The following LRRC47 variants were observed in gnomAD, a reference collection of about 807,000 sequenced individuals.
LRRC47 encodes leucine rich repeat containing 47, also known as leucine-rich repeat-containing protein 47.
Under a neutral mutation model 40.9 loss-of-function variants are expected in LRRC47, and 31 were observed. The observed-to-expected ratio is 0.76, with a 90% CI of 0.57 to 1.02. LRRC47 has a LOEUF of 1.02. Ranked by LOEUF, LRRC47 falls within the 50% of genes least tolerant of loss-of-function variation. The pLI is 0.00. For synonymous variants in LRRC47, 427 were observed against 371.9 expected (o/e 1.15, Z -1.70); for missense variants, 726 against 796.1 (o/e 0.91, Z 1.06).
intron 1 of LRRC47, among the ~76,000 whole-genome samples, chr1:3,787,546 G>T (rs1643588226): frequency 6.6e-6 from 1 of 152,200 alleles, no homozygotes; most frequent in South Asian, 2.1e-4. Context: ...GTCAGCCACG[G>T]TTAACAGTGA....
intron 1 of LRRC47, among the ~76,000 whole-genome samples, chr1:3,794,472 G>A (rs565929507): frequency 3.3e-5 from 5 of 151,688 alleles, no homozygotes; most frequent in African/African-American, 1.2e-4. Context: ...TCAGCCTCCC[G>A]AGTAGCTGGG....
chr1:3,791,581 C>A (rs1005293111), intron 1 of LRRC47, among the ~76,000 whole-genome samples: 2 of 152,178 alleles, frequency 1.3e-5, no homozygotes, highest in African/African-American at 2.4e-5. Flanking sequence ...CTCAGCTTCC[C>A]GAGTAGCTGG....
chr1:3,793,090 A>G (rs1335080622), intron 1 of LRRC47, among the ~76,000 whole-genome samples: 3 of 151,676 alleles, frequency 2.0e-5, no homozygotes, highest in Non-Finnish European at 4.4e-5. Context: ...GATCTAACCA[A>G]TCCCCATCTT....
intron 1 of LRRC47, among the ~76,000 whole-genome samples, chr1:3,788,777 C>A (rs1347001168): frequency 6.6e-6 from 1 of 151,966 alleles, no homozygotes; most frequent in Admixed American, 6.6e-5. Context: ...AACAGAGACC[C>A]AGGGAGGAAG....
rs770281905 is a variant in LRRC47 at position 3,796,498 on chromosome 1, C to A, written c.-22G>T. On this transcript the variant is annotated 5_prime_UTR_variant, in exon 1 of 7. Transcript: ENST00000378251. ...CCATGGCGCCTCAGCTGCTGGCAGG[C>A]ACCCACCCACCAGGGTGCTTCCGGG... 3.3e-5 allele frequency: 49 copies of A among 1,489,768 alleles called. 1 individual carries two copies. The South Asian group carries it at 4.1e-4, about 12-fold the overall frequency. 92.3% of individuals were successfully genotyped at this position (1,489,768 alleles called of 1,614,324 possible).
chr1:3,791,955 T>C (rs545448980), intron 1 of LRRC47, among the ~76,000 whole-genome samples: 17 of 152,114 alleles, frequency 1.1e-4, no homozygotes, highest in Non-Finnish European at 1.9e-4. Context: ...GTTTTCACCA[T>C]GTTGCCCAGG....
Position 3,786,859 on chromosome 1 carries a change from A to C in LRRC47, c.1067T>G (p.Leu356Arg). Residue 356 changes from leucine to arginine, a missense_variant, in exon 2 of 7, where the codon CTC becomes CGC. Leu to Arg is a moderately radical substitution (Grantham distance 102). Coordinates refer to ENST00000378251, the MANE Select transcript of LRRC47 (RefSeq NM_020710.3). ...LQPGNALKRF[L>R]TSQTKLHEDL... The stretch of plus-strand genomic sequence containing the variant: ...CCCACGGGCACCCACCTGCGAGGTG[A>C]GGAAGCGCTTGAGTGCATTCCCTGG... 1 of 1,592,398 alleles carries C rather than the reference A, an allele frequency of 6.3e-7. No individual in the cohort carries two copies. The highest frequency in any genetic ancestry group is 8.6e-7 in the Non-Finnish European group (1 of 1,168,042).
intron 1 of LRRC47, among the ~76,000 whole-genome samples, chr1:3,791,165 G>A (rs77030949): frequency 0.022 from 3,297 of 151,026 alleles, 76 homozygotes; most frequent in East Asian, 0.11. Flanking sequence ...GCACAGCCAC[G>A]CGAGCGACCA....
At chr1:3,786,748 C>G in intron 2 of LRRC47, 101 bp downstream of exon 2, 7 of 1,146,700 alleles carry the variant, frequency 6.1e-6, no homozygotes, top group Non-Finnish European at 6.1e-6. Flanking sequence ...GCCCCATACT[C>G]CACTGCTGCT....
intron 1 of LRRC47, among the ~76,000 whole-genome samples, chr1:3,790,944 C>T (rs1557643725): frequency 1.3e-5 from 2 of 152,212 alleles, no homozygotes; most frequent in South Asian, 2.1e-4. Context: ...CCCAAAGAAC[C>T]GGAACTGGGC....
Position 3,787,003 on chromosome 1 carries a change from A to G in LRRC47, c.923T>C (p.Leu308Pro). 6.2e-7 allele frequency: 1 copy of G among 1,611,978 alleles called. No individual in the cohort carries two copies. The highest frequency in any genetic ancestry group is 8.5e-7 in the Non-Finnish European group (1 of 1,179,194). Residue 308 changes from leucine (L) to proline (P), a missense_variant, in exon 2 of 7, where the codon CTG becomes CCG. Physicochemically the swap from Leu to Pro is moderately conservative, Grantham distance 98. Transcript: ENST00000378251. ...EQDVGDAGRL[L>P]LRVLHVSENP... ...TTCAGAGACGTGCAGGACCCTGAGCAGCAGCCGGCCGGCATCTCCCACGTC... is the reference window on the plus strand; with the variant it reads ...TTCAGAGACGTGCAGGACCCTGAGCGGCAGCCGGCCGGCATCTCCCACGTC...
Position 3,781,255 on chromosome 1 carries a change from C to A in LRRC47, c.1585G>T (p.Gly529Ter). 1 of 1,614,216 alleles carries A rather than the reference C, an allele frequency of 6.2e-7. No homozygotes were observed. The change falls in exon 7 of 7, where the codon GGA becomes TGA. Residue 529 changes from glycine to a stop codon, truncating the protein, a stop_gained. Transcript: ENST00000378251. LOFTEE classifies it low-confidence loss of function (END_TRUNC). ...LSDTEADAVS[G>*]QLPDPTTNPS... ...TTCGTTGTGGGATCTGGAAGTTGTC[C>A]AGAGACTGCATCGGCTTCAGTATCT...
chr1:3,790,333 A>G (rs949148126), intron 1 of LRRC47, among the ~76,000 whole-genome samples: 3 of 152,220 alleles, frequency 2.0e-5, no homozygotes, highest in African/African-American at 7.2e-5. Flanking sequence ...GAGGGTTCAC[A>G]TTGAGGCTGA....
chr1:3,784,013 ACT>A lies in LRRC47; in HGVS notation c.1291_1292del (p.Ser431CysfsTer15), dbSNP rs1557641006. On this transcript the variant is annotated frameshift_variant, in exon 4 of 7. Coordinates refer to ENST00000378251, the MANE Select transcript of LRRC47 (RefSeq NM_020710.3). LOFTEE classifies it high-confidence loss of function. ...CTGCCCACCTGTGCAGGCCCGACAC[ACT>A]CTGCCGCTTCTTCTGCTTCCTCTGC... ...EEQRKQKKRQSVSGLHRYLHL... is the reference protein window; with the variant it reads ...EEQRKQKKRQXVSGLHRYLHL... The A allele has an allele frequency of 6.2e-7, 1 of 1,608,194 alleles. No individual in the cohort carries two copies. Among genetic ancestry groups the A allele is most frequent in the Non-Finnish European group, 8.5e-7 (1 of 1,179,494 alleles).
rs763723739 is a variant in LRRC47 at position 3,796,364 on chromosome 1, G to A, written c.113C>T (p.Ala38Val). 2.6e-6 allele frequency: 4 copies of A among 1,510,724 alleles called. No individual in the cohort carries two copies. In the East Asian group the frequency reaches 1.1e-4, roughly 40 times the overall value. 93.6% of individuals were successfully genotyped at this position (1,510,724 alleles called of 1,614,324 possible). The change falls in exon 1 of 7, where the codon GCG becomes GTG. Residue 38 changes from alanine to valine, a missense_variant. Coordinates refer to ENST00000378251, the MANE Select transcript of LRRC47 (RefSeq NM_020710.3). ...GPGLEERVRA[A>V]GGQLPPRLFT... is the part of the protein sequence containing the mutation. ...AAGCCGCGGCGGCAGCTGCCCACCC[G>A]CCGCCCGCACTCGCTCCTCCAGCCC...
At chr1:3,781,371 G>T in intron 6 of LRRC47, 35 bp from the exon 7 acceptor site, 2 of 1,603,166 alleles carry the variant, frequency 1.2e-6, no homozygotes, top group South Asian at 2.2e-5. Flanking sequence ...ACCTGGAGAT[G>T]AGAGGTGACC....
chr1:3,780,948 C>A lies in LRRC47; in HGVS notation c.*140G>T, dbSNP rs946542174. On this transcript the variant is annotated 3_prime_UTR_variant, in exon 7 of 7. Coordinates refer to ENST00000378251, the MANE Select transcript of LRRC47 (RefSeq NM_020710.3). Reference sequence around the variant, plus strand: ...TCGAGATCACGCCACTGCACTCCAGCCTGGCGACAGAGCGAGACTCCATCT... The same window carrying A: ...TCGAGATCACGCCACTGCACTCCAGACTGGCGACAGAGCGAGACTCCATCT... The A allele has an allele frequency of 8.4e-6, 11 of 1,313,506 alleles. No individual in the cohort carries two copies. The Admixed American group carries it at 9.2e-5, about 11-fold the overall frequency. The allele number at this position is 1,313,506 out of a possible 1,614,324, so 81.4% of individuals were successfully genotyped here.
In LRRC47 at chr1:3,781,154, C is replaced by A; in HGVS notation, c.1686G>T (p.Leu562=). The change falls in exon 7 of 7, where the codon CTG becomes CTT. Residue 562 remains leucine, a synonymous_variant. Coordinates refer to ENST00000378251, the MANE Select transcript of LRRC47 (RefSeq NM_020710.3). ...CGGCCTTGGACGGGTACACCACCTT[C>A]AGGCTCCCTTCCAGATCCACCACCC... ...QVRVVDLEGS[L]KVVYPSKADL... 1.9e-6 allele frequency: 3 copies of A among 1,614,156 alleles called. No homozygotes were observed. Among genetic ancestry groups the A allele is most frequent in the Non-Finnish European group, 2.5e-6 (3 of 1,180,046 alleles).
chr1:3,788,271 G>A (rs1327292682), intron 1 of LRRC47, among the ~76,000 whole-genome samples: 3 of 152,242 alleles, frequency 2.0e-5, no homozygotes, highest in South Asian at 2.1e-4. Flanking sequence ...CAGGCACTGC[G>A]AGCAAACCCT....
Sources: allele counts gnomAD v4.1 joint callset (sites outside exome capture counted in the v4.1 genomes callset), GRCh38; gene constraint gnomAD v4.1.1; transcripts MANE v1.5; gene names NCBI Gene and HGNC (gene_info 2026-07-23, HGNC 2026-07-21).